RXRA: variants seen among roughly 807,000 people sequenced by gnomAD.
The protein encoded by RXRA is retinoid X receptor alpha.
Under a neutral mutation model 44.5 loss-of-function variants are expected in RXRA, and 5 were observed. That is an observed-to-expected ratio of 0.11 (90% CI 0.06 to 0.24). The LOEUF (loss-of-function observed/expected upper bound fraction) is 0.24, where lower values mean the gene tolerates loss of function less well. RXRA is among the 10% of genes least tolerant of loss of function. The pLI is 1.00. For synonymous variants in RXRA, 291 were observed against 271.4 expected (o/e 1.07, Z -0.71); for missense variants, 412 against 646.5 (o/e 0.64, Z 3.93).
At chr9:134,394,428 G>A (rs1407964191) in intron 1 of RXRA, among the ~76,000 whole-genome samples, 1 of 152,136 alleles carries the variant, frequency 6.6e-6, no homozygotes, top group African/African-American at 2.4e-5. Context: ...CCTGTGCCCT[G>A]GGAGTTTGAG....
chr9:134,364,550 G>A (rs1035966839), intron 1 of RXRA, among the ~76,000 whole-genome samples: 11 of 152,350 alleles, frequency 7.2e-5, no homozygotes, highest in African/African-American at 2.6e-4. Context: ...GCCCAGACAG[G>A]CCGGGGCATG....
At chr9:134,380,814 G>A (rs1321424517) in intron 1 of RXRA, among the ~76,000 whole-genome samples, 1 of 152,164 alleles carries the variant, frequency 6.6e-6, no homozygotes, top group Non-Finnish European at 1.5e-5. Flanking sequence ...CCAGAATCCA[G>A]GGCTGCCCGT....
intron 1 of RXRA, 36 bp from the exon 2 acceptor site, chr9:134,401,596 G>T (rs750072636): frequency 6.2e-7 from 1 of 1,611,400 alleles, no homozygotes; most frequent in Non-Finnish European, 8.5e-7. Flanking sequence ...GGAGTCACCT[G>T]CACTGACCAC....
At position 134,407,329 on chromosome 9, in the gene RXRA, G is replaced by A. The variant is rs1187154023; in HGVS notation, c.280-820G>A. 6.6e-6 allele frequency among the ~76,000 whole-genome samples: 1 copy of A among 152,236 alleles called. No individual in the cohort carries two copies. Among genetic ancestry groups the A allele is most frequent in the Non-Finnish European group, 1.5e-5 (1 of 68,040 alleles). ...AGGGGTTTGCAGAAGTGGAGGCTGGGGGCTGCCTGGCCAAGCGCTTACCGC... is the reference window on the plus strand; with the variant it reads ...AGGGGTTTGCAGAAGTGGAGGCTGGAGGCTGCCTGGCCAAGCGCTTACCGC... On this transcript the variant is annotated intron_variant, in intron 2 of 9. Transcript: ENST00000481739. This position sits in a 1 kb window ranked among gnomAD's most constrained non-coding sequence, Gnocchi z 4.8.
In RXRA at chr9:134,426,521, C is replaced by CT. The variant is rs1831437617; in HGVS notation, c.911-2587_911-2586insT. The CT allele has an allele frequency of 1.0e-6, 1 of 985,334 alleles. No homozygotes were observed. The highest frequency in any genetic ancestry group is 6.1e-5 in the Admixed American group (1 of 16,268). 61.0% of individuals were successfully genotyped at this position (985,334 alleles called of 1,614,324 possible). ...GTGCCGGAGGGTGCAGAGAGAGACT[C>CT]CGCACTGTTCTGTCCGTGTGTCTGG... On this transcript the variant is annotated intron_variant, in intron 6 of 9. Transcript: ENST00000481739. This position sits in a 1 kb window ranked among gnomAD's most constrained non-coding sequence, Gnocchi z 4.6.
intron 1 of RXRA, chr9:134,379,636 G>T: frequency 3.0e-6 from 3 of 985,360 alleles, no homozygotes; most frequent in Non-Finnish European, 3.6e-6. Context: ...TCCTGCTCCA[G>T]CCCCTCTCTG....
rs1385018085 is a variant in RXRA at position 134,436,872 on chromosome 9, C to T, written c.*258C>T. ...GAACTAGCGTGAGCCCAGCCAGGCG[C>T]CTCCCCACCGGGCTCTCAGGACACC... On this transcript the variant is annotated 3_prime_UTR_variant, in exon 10 of 10. Coordinates refer to ENST00000481739, the MANE Select transcript of RXRA (RefSeq NM_002957.6). 2.1e-6 allele frequency: 1 copy of T among 475,426 alleles called. No homozygotes were observed. Among genetic ancestry groups the T allele is most frequent in the African/African-American group, 1.9e-5 (1 of 51,440 alleles). The allele number at this position is 475,426 out of a possible 1,614,324, so 29.5% of individuals were successfully genotyped here.
rs1038413174 is a variant in RXRA, at chr9:134,368,623, T to C, written c.29-33009T>C. Among the ~76,000 whole-genome samples the C allele has an allele frequency of 1.5e-4, 23 of 151,784 alleles. 1 individual carries two copies. The highest frequency in any genetic ancestry group is 5.3e-4 in the African/African-American group (22 of 41,298). On this transcript the variant is annotated intron_variant, in intron 1 of 9. Coordinates refer to ENST00000481739, the MANE Select transcript of RXRA (RefSeq NM_002957.6). The stretch of plus-strand genomic sequence containing the variant: ...GTGAGTGTACATGCATGTGGATGTA[T>C]GTGTGTGGCTGTGTGGTGTGTGTGT...
At chr9:134,392,720 A>G (rs1830818469) in intron 1 of RXRA, among the ~76,000 whole-genome samples, 1 of 152,106 alleles carries the variant, frequency 6.6e-6, no homozygotes, top group African/African-American at 2.4e-5. Context: ...GATGCCCTGT[A>G]GCTCTCCTAA....
At chr9:134,391,844 G>A (rs1038749157) in intron 1 of RXRA, among the ~76,000 whole-genome samples, 4 of 152,340 alleles carry the variant, frequency 2.6e-5, no homozygotes, top group South Asian at 2.1e-4. Context: ...CTCTTGTTCC[G>A]GGCTTGGAAA....
intron 4 of RXRA, among the ~76,000 whole-genome samples, chr9:134,409,736 G>T (rs1461945169): frequency 6.6e-6 from 1 of 152,188 alleles, no homozygotes; most frequent in East Asian, 1.9e-4. Flanking sequence ...TTCCCTCTCA[G>T]GTTTGGCGAT....
chr9:134,339,621 CTGTG>C (rs1169540078), intron 1 of RXRA, among the ~76,000 whole-genome samples: 4 of 129,722 alleles, frequency 3.1e-5, no homozygotes, highest in Admixed American at 2.3e-4. Context: ...GTGTGAGTCT[CTGTG>C]TGTGTGAGCC....
At chr9:134,429,040 G>A (rs532130944) in intron 6 of RXRA, 68 bp from the exon 7 acceptor site, 189 of 1,590,372 alleles carry the variant, frequency 1.2e-4, no homozygotes, top group Non-Finnish European at 1.6e-4. Context: ...GGTCCCACCA[G>A]GGGCTGGGGA....
At chr9:134,436,164 C>A in intron 9 of RXRA, among the ~76,000 whole-genome samples, 1 of 152,250 alleles carries the variant, frequency 6.6e-6, no homozygotes, top group Non-Finnish European at 1.5e-5. Flanking sequence ...TTTTTAACTT[C>A]TTCACAAAGA....
At chr9:134,358,134 C>T (rs1830304550) in intron 1 of RXRA, among the ~76,000 whole-genome samples, 1 of 152,264 alleles carries the variant, frequency 6.6e-6, no homozygotes, top group Non-Finnish European at 1.5e-5. Flanking sequence ...GTGTGCCACC[C>T]AGGCCCCGGC....
intron 2 of RXRA, chr9:134,404,312 T>G (rs980431714): frequency 2.0e-5 from 3 of 152,552 alleles, no homozygotes; most frequent in African/African-American, 4.8e-5. Context: ...AATAGGAGTC[T>G]GGGGGGGCTT....
At chr9:134,375,260 G>C (rs1041049407) in intron 1 of RXRA, among the ~76,000 whole-genome samples, 5 of 152,200 alleles carry the variant, frequency 3.3e-5, no homozygotes, top group Admixed American at 2.0e-4. Flanking sequence ...GTGGAGAGCA[G>C]GCCGGGCCAG....
chr9:134,376,724 C>A (rs1010032678), intron 1 of RXRA, among the ~76,000 whole-genome samples: 6 of 22,496 alleles, frequency 2.7e-4, no homozygotes, highest in Non-Finnish European at 4.6e-4. Context: ...GGAAGCTGGG[C>A]ACTGGGCATG....
At chr9:134,397,045 CGGAA>C (rs1830890752) in intron 1 of RXRA, among the ~76,000 whole-genome samples, 1 of 152,204 alleles carries the variant, frequency 6.6e-6, no homozygotes, top group Non-Finnish European at 1.5e-5. Context: ...AGGCAGAGGC[CGGAA>C]GGGAGTTGGT....
Sources: allele counts gnomAD v4.1 joint callset (sites outside exome capture counted in the v4.1 genomes callset), GRCh38; gene constraint gnomAD v4.1.1; non-coding constraint Gnocchi (gnomAD v3.1); transcripts MANE v1.5; gene names NCBI Gene and HGNC (gene_info 2026-07-23, HGNC 2026-07-21).